The following KAZN variants were observed in gnomAD, a reference collection of about 807,000 sequenced individuals.
KAZN encodes the protein kazrin, periplakin interacting protein.
A neutral mutation model predicts 87.4 loss-of-function variants in KAZN; 40 were observed. The ratio of observed to expected loss-of-function variants is 0.46; its 90% CI spans 0.36 to 0.60. KAZN has a LOEUF of 0.60. KAZN is among the 20% of genes least tolerant of loss of function. The probability of loss-of-function intolerance (pLI) is 0.00; values close to 1 mark genes in which losing one functional copy is unlikely to be tolerated. For synonymous variants in KAZN, 466 were observed against 458.3 expected (o/e 1.02, Z -0.22); for missense variants, 898 against 1,073.9 (o/e 0.84, Z 2.29).
chr1:14,037,961 A>C (rs1007181299), intron 1 of KAZN, among the ~76,000 whole-genome samples: 4 of 152,166 alleles, frequency 2.6e-5, no homozygotes, highest in African/African-American at 4.8e-5. Context: ...AGGGGGTGAG[A>C]GGCTGGCTAC....
intron 2 of KAZN, among the ~76,000 whole-genome samples, chr1:15,033,334 G>C (rs956907067): frequency 6.6e-6 from 1 of 152,110 alleles, no homozygotes; most frequent in Non-Finnish European, 1.5e-5. Flanking sequence ...GTGGACTTTC[G>C]AGTTATTTTC....
chr1:14,093,495 T>A (rs1034838680), intron 1 of KAZN, among the ~76,000 whole-genome samples: 4 of 152,204 alleles, frequency 2.6e-5, no homozygotes, highest in African/African-American at 9.7e-5. Flanking sequence ...TCATTTGAAC[T>A]AATTCCTTCC....
rs141917958 is a variant in KAZN, at chr1:14,204,341, C to G, written c.249+23749C>G. ...ACATGCCAGGATTCATTTGTTATTT[C>G]TGACCTTTGAAAAAGAAATCATGGA... On this transcript the variant is annotated intron_variant, in intron 2 of 16. Coordinates refer to the KAZN transcript ENST00000636203. Among the ~76,000 whole-genome samples, 14 of 152,312 alleles carry G rather than the reference C, an allele frequency of 9.2e-5. No individual in the cohort carries two copies. In the East Asian group the frequency reaches 2.7e-3, roughly 29 times the overall value.
chr1:13,911,205 C>T (rs926646000), intron 1 of KAZN, among the ~76,000 whole-genome samples: 2 of 152,184 alleles, frequency 1.3e-5, no homozygotes, highest in Non-Finnish European at 2.9e-5. Context: ...CTCACCACCA[C>T]GCCTGTCTCA....
At chr1:14,117,669 GAA>G (rs1167392923) in intron 1 of KAZN, among the ~76,000 whole-genome samples, 1 of 152,116 alleles carries the variant, frequency 6.6e-6, no homozygotes, top group South Asian at 2.1e-4. Flanking sequence ...ACCCAGATCT[GAA>G]TCCCAGATCT....
At chr1:15,087,975 G>A (rs550226433) in intron 8 of KAZN, among the ~76,000 whole-genome samples, 2 of 152,222 alleles carry the variant, frequency 1.3e-5, no homozygotes, top group Non-Finnish European at 2.9e-5. Context: ...AAACGCTTCC[G>A]TGAGATCTTT....
At chr1:15,072,628 G>C (rs990894700) in intron 8 of KAZN, among the ~76,000 whole-genome samples, 1 of 152,134 alleles carries the variant, frequency 6.6e-6, no homozygotes, top group Non-Finnish European at 1.5e-5. Context: ...ACACTCACTC[G>C]TATAATCCTT....
chr1:14,013,339 A>G (rs6659407), intron 1 of KAZN, among the ~76,000 whole-genome samples: 7,305 of 152,282 alleles, frequency 0.048, 529 homozygotes, highest in African/African-American at 0.16. Context: ...TTTGTGCACA[A>G]TAGTCAATGT....
chr1:14,090,242 A>G (rs545343913), intron 1 of KAZN, among the ~76,000 whole-genome samples: 9 of 152,152 alleles, frequency 5.9e-5, no homozygotes, highest in South Asian at 2.1e-4. Flanking sequence ...TGGGACTCCA[A>G]TTGCATGTAT....
intron 1 of KAZN, among the ~76,000 whole-genome samples, chr1:14,679,781 C>T (rs1640460807): frequency 6.6e-6 from 1 of 152,072 alleles, no homozygotes; most frequent in South Asian, 2.1e-4. Context: ...CTTGGCTAGT[C>T]GGATAGGCAT....
At position 14,468,895 on chromosome 1, in the gene KAZN, C is replaced by T. The variant is rs183753578; in HGVS notation, c.250-130088C>T. Among the ~76,000 whole-genome samples the T allele has an allele frequency of 2.8e-3, 433 of 152,272 alleles. 1 individual carries two copies. The highest frequency in any genetic ancestry group is 9.7e-3 in the African/African-American group (405 of 41,546). On this transcript the variant is annotated intron_variant, in intron 2 of 16. Transcript: ENST00000636203. Reference sequence around the variant, plus strand: ...TCTCGCTTTCATTTGCCTCTTGGTTCCAACTCAGGTCACACCCAATTTTCA... The same window carrying T: ...TCTCGCTTTCATTTGCCTCTTGGTTTCAACTCAGGTCACACCCAATTTTCA...
At chr1:14,419,025 A>T (rs1394709663) in intron 2 of KAZN, among the ~76,000 whole-genome samples, 1 of 152,228 alleles carries the variant, frequency 6.6e-6, no homozygotes, top group Non-Finnish European at 1.5e-5. Context: ...GTGTTCAATA[A>T]GCACATGGAA....
rs74057017 is a variant in KAZN at position 14,085,128 on chromosome 1, G to A, written c.92-95307G>A. On this transcript the variant is annotated intron_variant, in intron 1 of 16. Coordinates refer to the KAZN transcript ENST00000636203. ...TCCCCCAGTTACACTAAATGCCCTG[G>A]AGTTTGCTGTCATCTTAGAACAAAT... 4.4e-3 allele frequency among the ~76,000 whole-genome samples: 673 copies of A among 152,172 alleles called. 4 individuals are homozygous for A. Among genetic ancestry groups the A allele is most frequent in the African/African-American group, 0.015 (643 of 41,524 alleles).
Position 15,115,129 on chromosome 1 carries a change from C to A in KAZN, c.*494C>A. On this transcript the variant is annotated 3_prime_UTR_variant, in exon 15 of 15. Transcript: ENST00000376030. The surrounding 1 kb of genome is among the most constrained non-coding windows in gnomAD (Gnocchi z 4.1). Reference sequence around the variant, plus strand: ...CCTCTTGCCGAGACGTCGGACAGGGCGGGGGTTGGGGAACTCTCGGCTACA... The same window carrying A: ...CCTCTTGCCGAGACGTCGGACAGGGAGGGGGTTGGGGAACTCTCGGCTACA... The A allele has an allele frequency of 6.5e-6, 1 of 153,506 alleles. No homozygotes were observed. Among genetic ancestry groups the A allele is most frequent in the Non-Finnish European group, 1.5e-5 (1 of 68,912 alleles). 9.5% of individuals were successfully genotyped at this position (153,506 alleles called of 1,614,324 possible). A position where few individuals can be genotyped will look rare whatever the true frequency, so the allele number is the denominator to read the frequency against.
intron 2 of KAZN, chr1:14,350,885 G>A (rs12404580): frequency 0.16 from 23,848 of 152,294 alleles, 1,907 homozygotes; most frequent in Non-Finnish European, 0.17. Flanking sequence ...CGAGGTTAGC[G>A]AGTTCTCATG....
At chr1:14,649,882 G>A (rs568777870) in intron 1 of KAZN, among the ~76,000 whole-genome samples, 60 of 152,024 alleles carry the variant, frequency 3.9e-4, no homozygotes, top group Non-Finnish European at 7.5e-4. Context: ...GTGCGTTGGT[G>A]GAATGACATT....
chr1:14,680,603 C>T (rs1016635661), intron 1 of KAZN, among the ~76,000 whole-genome samples: 5 of 152,100 alleles, frequency 3.3e-5, no homozygotes, highest in Admixed American at 2.0e-4. Flanking sequence ...CTAATGCTGT[C>T]CCTCCCCTTG....
At chr1:14,354,861 A>G (rs1658881279) in intron 2 of KAZN, among the ~76,000 whole-genome samples, 1 of 152,192 alleles carries the variant, frequency 6.6e-6, no homozygotes, top group South Asian at 2.1e-4. Context: ...TACCAAAGAG[A>G]AATGAAAATG....
At chr1:13,930,991 C>T (rs889684167) in intron 1 of KAZN, among the ~76,000 whole-genome samples, 1 of 152,176 alleles carries the variant, frequency 6.6e-6, no homozygotes, top group Non-Finnish European at 1.5e-5. Flanking sequence ...ACCTACCACC[C>T]CTGACCCCTA....
Sources: gnomAD v4.1 joint callset for allele counts (sites outside exome capture counted in the v4.1 genomes callset) on GRCh38, gnomAD v4.1.1 for gene constraint, Gnocchi (gnomAD v3.1) non-coding constraint, MANE v1.5 for transcripts, NCBI Gene and HGNC (gene_info 2026-07-23, HGNC 2026-07-21) for gene names.